Variants in AMOTL1 observed in about 807,000 individuals in gnomAD.
AMOTL1 encodes angiomotin-like protein 1.
AMOTL1 carries 45 observed loss-of-function variants against 102.9 expected under a neutral mutation model. That is an observed-to-expected ratio of 0.44 (90% CI 0.34 to 0.56). The LOEUF (loss-of-function observed/expected upper bound fraction) is 0.56. AMOTL1 is among the 20% of genes least tolerant of loss of function. The pLI is 0.01. For synonymous variants in AMOTL1, 481 were observed against 484.7 expected, an observed-to-expected ratio of 0.99 and a Z score of 0.10; for missense variants, 1,114 against 1,225.6, an observed-to-expected ratio of 0.91 and a Z score of 1.36.
intron 6 of AMOTL1, among the ~76,000 whole-genome samples, chr11:94,842,294 AC>A (rs1952319690): frequency 1.3e-5 from 2 of 152,158 alleles, no homozygotes; most frequent in Admixed American, 6.5e-5. Flanking sequence ...GAGCTTAGTC[AC>A]TATGAAGAGG....
intron 3 of AMOTL1, among the ~76,000 whole-genome samples, chr11:94,812,536 G>A (rs551034650): frequency 1.2e-3 from 183 of 152,362 alleles, no homozygotes; most frequent in African/African-American, 4.2e-3. Flanking sequence ...GGTAAGCAGA[G>A]GGATGATTTT....
intron 3 of AMOTL1, among the ~76,000 whole-genome samples, chr11:94,807,478 T>A (rs935106208): frequency 2.7e-4 from 41 of 152,294 alleles, no homozygotes; most frequent in African/African-American, 9.4e-4. Flanking sequence ...ATTATTTAGA[T>A]AATAAAATTT....
At chr11:94,740,999 T>C (rs1204232082) in intron 3 of AMOTL1, 1 of 1,288,668 alleles carries the variant, frequency 7.8e-7, no homozygotes, top group South Asian at 1.2e-5. Flanking sequence ...GTAAGTCTGC[T>C]CATTTTGTCT....
chr11:94,776,532 G>A (rs916463921), intron 1 of AMOTL1, among the ~76,000 whole-genome samples: 3 of 152,200 alleles, frequency 2.0e-5, no homozygotes. Flanking sequence ...AATAGGCCCA[G>A]CAAGACAGGG....
chr11:94,850,013 A>G (rs1952498347), intron 6 of AMOTL1, 101 bp from the exon 7 acceptor site: 5 of 1,339,038 alleles, frequency 3.7e-6, no homozygotes, highest in Admixed American at 5.2e-5. Context: ...CATTATTTGC[A>G]TGCTTTTTTA....
At chr11:94,840,589 C>T (rs1293374985) in intron 6 of AMOTL1, among the ~76,000 whole-genome samples, 1 of 149,620 alleles carries the variant, frequency 6.7e-6, no homozygotes, top group East Asian at 2.0e-4. Context: ...CCCAGCATAA[C>T]TTCTGTCTTT....
chr11:94,715,528 T>G (rs1950083653), intron 1 of AMOTL1, among the ~76,000 whole-genome samples: 1 of 152,102 alleles, frequency 6.6e-6, no homozygotes, highest in Non-Finnish European at 1.5e-5. Flanking sequence ...AGCCATTGTT[T>G]AATGGTAGGT....
intron 1 of AMOTL1, among the ~76,000 whole-genome samples, chr11:94,771,253 C>CG (rs1415837852): frequency 1.1e-4 from 2 of 18,396 alleles, no homozygotes; most frequent in South Asian, 2.6e-3. Flanking sequence ...TTCTTTTTGG[C>CG]GGGGTTGGGG....
chr11:94,766,856 G>T (rs766356964), upstream of AMOTL1, among the ~76,000 whole-genome samples: 1 of 152,140 alleles, frequency 6.6e-6, no homozygotes, highest in Non-Finnish European at 1.5e-5. Context: ...TTCTTTCCAG[G>T]CCTACATTTT....
chr11:94,806,913 G>GA (rs1285710711), intron 3 of AMOTL1, among the ~76,000 whole-genome samples: 2 of 151,962 alleles, frequency 1.3e-5, no homozygotes, highest in South Asian at 2.1e-4. Context: ...CATGAGTTTG[G>GA]AAAAAAAATT....
At position 94,821,605 on chromosome 11, in the gene AMOTL1, C is replaced by G. The variant is rs185394327; in HGVS notation, c.1197C>G (p.Ser399Arg). The G allele has an allele frequency of 1.9e-6, 3 of 1,613,810 alleles. No individual in the cohort carries two copies. Among genetic ancestry groups the G allele is most frequent in the Non-Finnish European group, 2.5e-6 (3 of 1,179,838 alleles). Residue 399 changes from serine (S) to arginine (R), a missense_variant, in exon 4 of 13, where the codon AGC (serine) becomes AGG (arginine). Ser to Arg is a moderately radical substitution (Grantham distance 110). Transcript: ENST00000433060. ...TGTCCTCCCAGACCTCTTCCGCCAG[C>G]GGGCCACTGCACTCTGTCTCCCTGC... is the stretch of plus-strand genomic sequence containing the variant. ...SPMSSQTSSA[S>R]GPLHSVSLPL...
chr11:94,783,638 T>C lies in AMOTL1; in HGVS notation c.50-11373T>C, dbSNP rs1331162032. On this transcript the variant is annotated intron_variant, in intron 1 of 12. Coordinates refer to ENST00000433060, the MANE Select transcript of AMOTL1 (RefSeq NM_130847.3). Reference sequence around the variant, plus strand: ...CAGTTCTAGATCCTGTGTGTGTGCTTTGAGATGAATGTGGGCACTGGTATC... The same window carrying C: ...CAGTTCTAGATCCTGTGTGTGTGCTCTGAGATGAATGTGGGCACTGGTATC... 3.3e-5 allele frequency among the ~76,000 whole-genome samples: 5 copies of C among 152,316 alleles called. No individual in the cohort carries two copies. In the East Asian group the frequency reaches 9.6e-4, roughly 29 times the overall value.
At chr11:94,866,576 G>A (rs1315517620) in intron 11 of AMOTL1, 1 of 214,146 alleles carries the variant, frequency 4.7e-6, no homozygotes, top group Non-Finnish European at 9.4e-6. Flanking sequence ...TTTACCCCAT[G>A]GGGAGTGGGA....
At chr11:94,767,370 C>A (rs1376149215), upstream of AMOTL1, among the ~76,000 whole-genome samples, 3 of 152,120 alleles carry the variant, frequency 2.0e-5, no homozygotes, top group South Asian at 4.2e-4. Flanking sequence ...TGCAACCCAC[C>A]AGAACTGATG....
intron 2 of AMOTL1, chr11:94,796,899 CA>C (rs533251209): frequency 2.7e-5 from 16 of 595,810 alleles, no homozygotes; most frequent in Non-Finnish European, 3.4e-5. Context: ...TATTAATATA[CA>C]TATATGTATA....
intron 2 of AMOTL1, among the ~76,000 whole-genome samples, chr11:94,737,258 A>G (rs1950451043): frequency 1.3e-5 from 2 of 152,232 alleles, no homozygotes; most frequent in Admixed American, 6.5e-5. Flanking sequence ...CCAAGTAACC[A>G]GCCTTCAAGC....
chr11:94,728,673 C>A (rs151072099), intron 1 of AMOTL1, among the ~76,000 whole-genome samples: 158 of 152,210 alleles, frequency 1.0e-3, no homozygotes, highest in African/African-American at 3.6e-3. Flanking sequence ...TAGTAAATTT[C>A]TTGCTCAAAG....
At chr11:94,785,584 G>C (rs1951174356) in intron 1 of AMOTL1, among the ~76,000 whole-genome samples, 1 of 152,206 alleles carries the variant, frequency 6.6e-6, no homozygotes. Context: ...AACGCATATT[G>C]ATTTAGGAGC....
intron 6 of AMOTL1, among the ~76,000 whole-genome samples, chr11:94,846,240 C>G (rs333009): frequency 6.6e-6 from 1 of 152,172 alleles, no homozygotes; most frequent in African/African-American, 2.4e-5. Flanking sequence ...TGTTAGAGCA[C>G]CTTGTCACAT....
Sources: allele counts gnomAD v4.1 joint callset (sites outside exome capture counted in the v4.1 genomes callset), GRCh38; gene constraint gnomAD v4.1.1; transcripts MANE v1.5; gene names NCBI Gene and HGNC (gene_info 2026-07-23, HGNC 2026-07-21).